The following CNTN6 variants were observed in gnomAD, a reference collection of about 807,000 sequenced individuals.
The protein encoded by CNTN6 is contactin-6.
In CNTN6, 137 loss-of-function variants were observed where a neutral mutation model predicts 122.8. The ratio of observed to expected loss-of-function variants is 1.12; its 90% CI spans 0.97 to 1.29. The LOEUF (loss-of-function observed/expected upper bound fraction) is 1.29, where lower values mean the gene tolerates loss of function less well. Ranked by LOEUF, CNTN6 falls within the 50% of genes most tolerant of loss-of-function variation. The probability of loss-of-function intolerance (pLI) is 0.00; values close to 1 mark genes in which losing one functional copy is unlikely to be tolerated. For synonymous variants in CNTN6, 570 were observed against 426.0 expected (o/e 1.34, Z -4.16); for missense variants, 1,634 against 1,223.4 (o/e 1.34, Z -5.01).
chr3:1,202,547 TA>T (rs1282181119), intron 2 of CNTN6, among the ~76,000 whole-genome samples: 2 of 10,030 alleles, frequency 2.0e-4, no homozygotes, highest in Non-Finnish European at 2.8e-4. Context: ...TCTCAAAAAA[TA>T]AATAAATAAA....
At chr3:1,313,352 A>G (rs1699658405) in intron 7 of CNTN6, among the ~76,000 whole-genome samples, 1 of 152,100 alleles carries the variant, frequency 6.6e-6, no homozygotes, top group Non-Finnish European at 1.5e-5. Context: ...TAAAATTCTT[A>G]GAGAATCTTT....
intron 1 of CNTN6, among the ~76,000 whole-genome samples, chr3:1,144,406 TC>T (rs1232981272): frequency 2.6e-5 from 4 of 152,018 alleles, no homozygotes; most frequent in South Asian, 2.1e-4. Flanking sequence ...TGAAACCCTG[TC>T]TTTACTAAAA....
At chr3:1,277,678 A>C (rs527376797) in intron 4 of CNTN6, among the ~76,000 whole-genome samples, 1 of 152,262 alleles carries the variant, frequency 6.6e-6, no homozygotes, top group South Asian at 2.1e-4. Flanking sequence ...TTAATTCATT[A>C]AATAACTAAT....
At chr3:1,235,786 A>C (rs2094413591) in intron 4 of CNTN6, among the ~76,000 whole-genome samples, 1 of 152,042 alleles carries the variant, frequency 6.6e-6, no homozygotes, top group Admixed American at 6.5e-5. Context: ...TGCTTTCTCA[A>C]TAGGGAGGCT....
At chr3:1,368,714 T>G (rs1441696428) in intron 12 of CNTN6, among the ~76,000 whole-genome samples, 1 of 152,180 alleles carries the variant, frequency 6.6e-6, no homozygotes, top group Non-Finnish European at 1.5e-5. Context: ...AAAGTATTAT[T>G]TATTATATCG....
rs920928960 is a variant in CNTN6 at position 1,220,703 on chromosome 3, C to T, written c.72C>T (p.Ser24=). ...INSSAGDGLL[S]RPIFTQEPHD... is the part of the protein sequence containing the mutation. ...TTTTCCCAGGTGATGGTCTTTTAAGCCGTCCTATTTTTACTCAGGAGCCAC... is the reference window on the plus strand; with the variant it reads ...TTTTCCCAGGTGATGGTCTTTTAAGTCGTCCTATTTTTACTCAGGAGCCAC... Residue 24 remains serine, a synonymous_variant, in exon 3 of 23, where the codon AGC becomes AGT. Coordinates refer to ENST00000446702, the MANE Select transcript of CNTN6 (RefSeq NM_001289080.2). The T allele has an allele frequency of 1.2e-6, 2 of 1,609,390 alleles. No individual in the cohort carries two copies. Among genetic ancestry groups the T allele is most frequent in the East Asian group, 4.5e-5 (2 of 44,768 alleles).
rs71619483 is a variant in CNTN6, at chr3:1,280,459, ATTT to A, written c.454+1972_454+1974del. Among the ~76,000 whole-genome samples the A allele has an allele frequency of 3.8e-3, 255 of 66,620 alleles. 5 individuals are homozygous for A. In the East Asian group the frequency reaches 0.069, roughly 18 times the overall value. 43.7% of individuals were successfully genotyped at this position (66,620 alleles called of 152,430 possible). ...GTAATGGCAAACTTGTGTAATACCA[ATTT>A]TTTTTTTTTTTTTTTTTTTTGTGAT... On this transcript the variant is annotated intron_variant, in intron 5 of 22. Transcript: ENST00000446702.
chr3:1,248,225 C>G (rs1453022902), intron 4 of CNTN6, among the ~76,000 whole-genome samples: 2 of 152,128 alleles, frequency 1.3e-5, no homozygotes, highest in African/African-American at 4.8e-5. Context: ...TTCTAGTTCT[C>G]AAATTGATGT....
At chr3:1,101,207 G>A (rs908794468) in intron 1 of CNTN6, among the ~76,000 whole-genome samples, 3 of 151,912 alleles carry the variant, frequency 2.0e-5, no homozygotes, top group East Asian at 3.9e-4. Context: ...TGCCTTTTTC[G>A]GATTCTTTTT....
chr3:1,379,126 C>G (rs1349227202), intron 17 of CNTN6, among the ~76,000 whole-genome samples: 1 of 152,088 alleles, frequency 6.6e-6, no homozygotes, highest in African/African-American at 2.4e-5. Context: ...TGTACACAGT[C>G]TATAATGAGG....
At chr3:1,384,750 CATATATATACATATATATACACAT>C (rs766574566) in intron 19 of CNTN6, among the ~76,000 whole-genome samples, 20 of 99,748 alleles carry the variant, frequency 2.0e-4, no homozygotes, top group African/African-American at 6.2e-4. Flanking sequence ...CATATATACA[CATATATATACATATATATACACAT>C]ATATATATAT....
chr3:1,158,915 C>T (rs13062553), intron 2 of CNTN6, among the ~76,000 whole-genome samples: 1 of 124,448 alleles, frequency 8.0e-6, no homozygotes, highest in African/African-American at 3.3e-5. Context: ...TATATATACA[C>T]ACACATATAT....
chr3:1,345,015 G>A (rs1704455014), intron 11 of CNTN6, among the ~76,000 whole-genome samples: 2 of 151,538 alleles, frequency 1.3e-5, no homozygotes, highest in African/African-American at 2.4e-5. Context: ...GATCTTATAA[G>A]GACTGATAAA....
rs111928106 is a variant in CNTN6 at position 1,258,979 on chromosome 3, G to A, written c.359-19434G>A. 4.0e-3 allele frequency among the ~76,000 whole-genome samples: 611 copies of A among 152,152 alleles called. 1 individual carries two copies. Among genetic ancestry groups the A allele is most frequent in the Non-Finnish European group, 6.2e-3 (419 of 67,978 alleles). On this transcript the variant is annotated intron_variant, in intron 4 of 22. Transcript: ENST00000446702. ...GCCAATGTCTCTGCTGTTATTGGGT[G>A]AAAGCAGCCACCCATAAACCCATTA...
intron 20 of CNTN6, among the ~76,000 whole-genome samples, chr3:1,392,190 A>G (rs1199613165): frequency 9.8e-5 from 15 of 152,412 alleles, no homozygotes; most frequent in Non-Finnish European, 1.9e-4. Flanking sequence ...ACAGCATGGT[A>G]CTGGTACCAA....
intron 12 of CNTN6, among the ~76,000 whole-genome samples, chr3:1,361,918 A>G (rs1707523804): frequency 6.6e-6 from 1 of 152,104 alleles, no homozygotes; most frequent in Non-Finnish European, 1.5e-5. Flanking sequence ...AGTATAAATC[A>G]GGAATGAAGA....
chr3:1,252,107 G>A (rs1349385711), intron 4 of CNTN6, among the ~76,000 whole-genome samples: 1 of 152,132 alleles, frequency 6.6e-6, no homozygotes, highest in Non-Finnish European at 1.5e-5. Flanking sequence ...TTGCTACAAA[G>A]TCCTGAAGGT....
chr3:1,191,778 G>A (rs1458216265), intron 2 of CNTN6, among the ~76,000 whole-genome samples: 1 of 152,130 alleles, frequency 6.6e-6, no homozygotes, highest in African/African-American at 2.4e-5. Context: ...ACTCTAGGTA[G>A]TTTAGTGTCA....
chr3:1,353,027 T>C (rs556420297), intron 12 of CNTN6, among the ~76,000 whole-genome samples: 18 of 151,860 alleles, frequency 1.2e-4, no homozygotes, highest in African/African-American at 3.1e-4. Context: ...TTCTATACTT[T>C]ACTTTTAAGA....
Sources: allele counts gnomAD v4.1 joint callset (sites outside exome capture counted in the v4.1 genomes callset), GRCh38; gene constraint gnomAD v4.1.1; transcripts MANE v1.5; gene names NCBI Gene and HGNC (gene_info 2026-07-23, HGNC 2026-07-21).